PCDH7: variants seen among roughly 807,000 people sequenced by gnomAD.
PCDH7 encodes the protein protocadherin-7.
A neutral mutation model predicts 58.9 loss-of-function variants in PCDH7; 17 were observed. The ratio of observed to expected loss-of-function variants is 0.29; its 90% CI spans 0.20 to 0.43. PCDH7 has a LOEUF of 0.43. PCDH7 is among the 20% of genes least tolerant of loss of function. PCDH7 has a pLI of 1.00. For synonymous variants in PCDH7, 664 were observed against 616.4 expected (o/e 1.08, Z -1.14); for missense variants, 1,274 against 1,441.0 (o/e 0.88, Z 1.88).
chr4:30,813,656 T>C (rs1227778910), intron 1 of PCDH7, among the ~76,000 whole-genome samples: 2 of 152,146 alleles, frequency 1.3e-5, no homozygotes, highest in African/African-American at 4.8e-5. Flanking sequence ...TAATTTATCT[T>C]TTGAGATGGA....
At chr4:30,741,656 A>G (rs1320716721) in intron 1 of PCDH7, among the ~76,000 whole-genome samples, 4 of 152,224 alleles carry the variant, frequency 2.6e-5, no homozygotes. Flanking sequence ...GTTGGAAACA[A>G]CCAACTTAGA....
chr4:30,986,553 C>T (rs1223023764), intron 3 of PCDH7, among the ~76,000 whole-genome samples: 5 of 151,620 alleles, frequency 3.3e-5, no homozygotes, highest in Non-Finnish European at 5.9e-5. Context: ...CACCTCCTCC[C>T]ACCAAGAAAA....
At chr4:31,016,699 T>C (rs1331268283) in intron 3 of PCDH7, among the ~76,000 whole-genome samples, 1 of 152,138 alleles carries the variant, frequency 6.6e-6, no homozygotes, top group Admixed American at 6.5e-5. Context: ...TGGAATCCAT[T>C]TGTAGGATAA....
At chr4:31,106,546 G>A (rs968241413) in intron 3 of PCDH7, among the ~76,000 whole-genome samples, 1 of 152,182 alleles carries the variant, frequency 6.6e-6, no homozygotes, top group Non-Finnish European at 1.5e-5. Context: ...GGATGGAAGA[G>A]CCACTTCCTG....
At chr4:31,111,383 C>G (rs1005720626) in intron 3 of PCDH7, among the ~76,000 whole-genome samples, 1 of 151,494 alleles carries the variant, frequency 6.6e-6, no homozygotes, top group Non-Finnish European at 1.5e-5. Flanking sequence ...CCTCGGCTCA[C>G]TGCAACCTCA....
At chr4:30,973,778 T>C (rs1202066884) in intron 3 of PCDH7, among the ~76,000 whole-genome samples, 1 of 152,064 alleles carries the variant, frequency 6.6e-6, no homozygotes, top group Non-Finnish European at 1.5e-5. Context: ...ATTGTATTAG[T>C]TTCTATTGTA....
intron 3 of PCDH7, among the ~76,000 whole-genome samples, chr4:31,049,707 C>T (rs1336338733): frequency 6.6e-6 from 1 of 152,084 alleles, no homozygotes; most frequent in Non-Finnish European, 1.5e-5. Context: ...CTCTTCATCT[C>T]TTGATCTCTC....
intron 3 of PCDH7, among the ~76,000 whole-genome samples, chr4:30,972,780 C>G (rs915703994): frequency 6.6e-6 from 1 of 152,188 alleles, no homozygotes; most frequent in Non-Finnish European, 1.5e-5. Flanking sequence ...CCTAGTCCAT[C>G]TCAACTGTAC....
At chr4:30,989,522 C>T (rs565865518) in intron 3 of PCDH7, among the ~76,000 whole-genome samples, 57 of 152,276 alleles carry the variant, frequency 3.7e-4, no homozygotes, top group African/African-American at 1.3e-3. Context: ...TCTCTATGCT[C>T]ATTAACCTTT....
intron 3 of PCDH7, among the ~76,000 whole-genome samples, chr4:31,115,012 C>T (rs1285137187): frequency 1.3e-5 from 2 of 152,114 alleles, no homozygotes; most frequent in South Asian, 2.1e-4. Flanking sequence ...AAGAACAGTG[C>T]GGGTTTTCAT....
chr4:30,973,784 T>C (rs1474604487), intron 3 of PCDH7, among the ~76,000 whole-genome samples: 5 of 152,108 alleles, frequency 3.3e-5, no homozygotes, highest in South Asian at 4.1e-4. Flanking sequence ...TTAGTTTCTA[T>C]TGTAATCTAT....
chr4:30,999,537 T>A (rs1235474200), intron 3 of PCDH7, among the ~76,000 whole-genome samples: 1 of 152,054 alleles, frequency 6.6e-6, no homozygotes, highest in Non-Finnish European at 1.5e-5. Flanking sequence ...TAATACAGCC[T>A]CATATAGTTT....
intron 1 of PCDH7, among the ~76,000 whole-genome samples, chr4:30,882,105 C>T (rs1212645896): frequency 7.1e-6 from 1 of 140,132 alleles, no homozygotes; most frequent in Non-Finnish European, 1.6e-5. Flanking sequence ...TCCCCCTCCT[C>T]CCCCTCCTCC....
intron 1 of PCDH7, among the ~76,000 whole-genome samples, chr4:30,894,002 C>A (rs551043724): frequency 1.3e-5 from 2 of 152,240 alleles, no homozygotes; most frequent in South Asian, 4.1e-4. Context: ...TGCAGGGTAC[C>A]AGACAGATAC....
At chr4:30,824,149 TTCTTTCTTTCTTTTTG>T (rs1332202741) in intron 1 of PCDH7, among the ~76,000 whole-genome samples, 2 of 131,744 alleles carry the variant, frequency 1.5e-5, no homozygotes, top group African/African-American at 5.7e-5. Context: ...CTTTCTTTCT[TTCTTTCTTTCTTTTTG>T]CTTCCCTCAT....
intron 1 of PCDH7, among the ~76,000 whole-genome samples, chr4:30,772,768 T>C (rs1721578762): frequency 6.6e-6 from 1 of 152,248 alleles, no homozygotes; most frequent in Non-Finnish European, 1.5e-5. Context: ...AGTATTTTAC[T>C]TATGTCATCC....
At chr4:30,938,019 G>A (rs983468799) in intron 2 of PCDH7, among the ~76,000 whole-genome samples, 9 of 151,926 alleles carry the variant, frequency 5.9e-5, no homozygotes, top group African/African-American at 2.2e-4. Flanking sequence ...CAGTGGTAAG[G>A]CTTTCATTTC....
chr4:30,906,800 A>G (rs912405415), intron 1 of PCDH7, among the ~76,000 whole-genome samples: 3 of 152,104 alleles, frequency 2.0e-5, no homozygotes, highest in African/African-American at 7.2e-5. Flanking sequence ...AGGCAGGAGG[A>G]TCACCTGAGG....
chr4:30,742,910 G>A (rs758270193), intron 1 of PCDH7, among the ~76,000 whole-genome samples: 2 of 152,158 alleles, frequency 1.3e-5, no homozygotes, highest in Non-Finnish European at 2.9e-5. Flanking sequence ...TGGCTAGGAC[G>A]CAGATACAGA....
Sources: gnomAD v4.1 joint callset for allele counts (sites outside exome capture counted in the v4.1 genomes callset) on GRCh38, gnomAD v4.1.1 for gene constraint, MANE v1.5 for transcripts, NCBI Gene and HGNC (gene_info 2026-07-23, HGNC 2026-07-21) for gene names.